RAB12: variants seen among roughly 807,000 people sequenced by gnomAD.
RAB12 encodes RAB12, member RAS oncogene family, also known as ras-related protein Rab-12.
RAB12 carries 11 observed loss-of-function variants against 28.4 expected under a neutral mutation model. The ratio of observed to expected loss-of-function variants is 0.39; its 90% confidence interval spans 0.24 to 0.64. RAB12 has a LOEUF of 0.64. Ranked by LOEUF, RAB12 falls within the 30% of genes least tolerant of loss-of-function variation. RAB12 has a pLI of 0.50. For synonymous variants in RAB12, 138 were observed against 145.3 expected (o/e 0.95, Z 0.36); for missense variants, 276 against 351.1 (o/e 0.79, Z 1.71).
At chr18:8,634,849 T>C (rs1466196419) in intron 3 of RAB12, among the ~76,000 whole-genome samples, 1 of 152,234 alleles carries the variant, frequency 6.6e-6, no homozygotes, top group Non-Finnish European at 1.5e-5. Context: ...GAACGACAAG[T>C]TAGTTGCTCA....
At chr18:8,628,048 T>C (rs910145825) in intron 2 of RAB12, among the ~76,000 whole-genome samples, 3 of 152,162 alleles carry the variant, frequency 2.0e-5, no homozygotes, top group African/African-American at 7.2e-5. Flanking sequence ...TAAGGTGGCA[T>C]GCTAACTGTA....
At chr18:8,610,203 G>T (rs968258982) in intron 1 of RAB12, 1 of 389,462 alleles carries the variant, frequency 2.6e-6, no homozygotes, top group Non-Finnish European at 4.7e-6. Context: ...GCAGCCCCCG[G>T]GGCCTGTGGG....
At chr18:8,612,113 A>G (rs1009263073) in intron 1 of RAB12, among the ~76,000 whole-genome samples, 3 of 152,206 alleles carry the variant, frequency 2.0e-5, no homozygotes, top group African/African-American at 7.2e-5. Context: ...ATTCAGTGGT[A>G]AACAGGACAT....
chr18:8,636,126 G>A, intron 4 of RAB12, 127 bp from the exon 5 acceptor site: 1 of 668,954 alleles, frequency 1.5e-6, no homozygotes. Context: ...CTTTATCTTT[G>A]AGCGTCAGTG....
intron 1 of RAB12, among the ~76,000 whole-genome samples, chr18:8,621,608 G>A (rs1237740297): frequency 6.6e-6 from 1 of 151,794 alleles, no homozygotes; most frequent in African/African-American, 2.4e-5. Context: ...TTTTTCTTTT[G>A]TTTTTTTCCT....
At chr18:8,625,365 C>T (rs2096012082) in intron 2 of RAB12, among the ~76,000 whole-genome samples, 1 of 152,048 alleles carries the variant, frequency 6.6e-6, no homozygotes, top group Admixed American at 6.6e-5. Context: ...CAAAGAAAGC[C>T]CAATATGTTC....
At chr18:8,637,839 A>G (rs2096019788) in intron 5 of RAB12, among the ~76,000 whole-genome samples, 1 of 152,246 alleles carries the variant, frequency 6.6e-6, no homozygotes, top group South Asian at 2.1e-4. Context: ...TAAGAAAATC[A>G]TAAGGAAGAG....
chr18:8,619,762 C>T (rs1271064793), intron 1 of RAB12, among the ~76,000 whole-genome samples: 1 of 152,286 alleles, frequency 6.6e-6, no homozygotes, highest in East Asian at 1.9e-4. Flanking sequence ...TTCCCCGTCA[C>T]TGGGCTGCTG....
intron 2 of RAB12, 97 bp downstream of exon 2, chr18:8,625,095 C>T (rs757037907): frequency 2.7e-5 from 19 of 708,526 alleles, no homozygotes; most frequent in Non-Finnish European, 4.5e-5. Flanking sequence ...ATTTGCCTCT[C>T]CTACTTTCTC....
Position 8,623,729 on chromosome 18 carries a change from C to G in RAB12, c.515-1209C>G, listed in dbSNP as rs114900956. Reference sequence around the variant, plus strand: ...GAATTAAGTAGCTTTCCTTCAGGGACATCTGAAATTATGTGTTATGTGAGA... The same window carrying G: ...GAATTAAGTAGCTTTCCTTCAGGGAGATCTGAAATTATGTGTTATGTGAGA... On this transcript the variant is annotated intron_variant, in intron 1 of 5. Coordinates refer to ENST00000649141, the MANE Select transcript of RAB12 (RefSeq NM_001025300.3). Among the ~76,000 whole-genome samples, 584 of 152,328 alleles carry G rather than the reference C, an allele frequency of 3.8e-3. 2 individuals carry two copies. The highest frequency in any genetic ancestry group is 0.014 in the African/African-American group (562 of 41,576).
At chr18:8,611,983 A>G (rs1327314809) in intron 1 of RAB12, among the ~76,000 whole-genome samples, 1 of 152,206 alleles carries the variant, frequency 6.6e-6, no homozygotes, top group African/African-American at 2.4e-5. Context: ...GCGGGAAGAC[A>G]CTGTGAGAAC....
At chr18:8,619,101 A>G (rs1227482621) in intron 1 of RAB12, among the ~76,000 whole-genome samples, 2 of 152,234 alleles carry the variant, frequency 1.3e-5, no homozygotes, top group African/African-American at 4.8e-5. Context: ...ATAAATTGGC[A>G]GTGACAACTA....
intron 1 of RAB12, among the ~76,000 whole-genome samples, chr18:8,616,555 A>G (rs1012508095): frequency 2.0e-5 from 3 of 152,076 alleles, no homozygotes; most frequent in African/African-American, 7.2e-5. Context: ...CACTTGGGCG[A>G]AGGAATAGGC....
rs752213346 is a variant in RAB12 at position 8,627,573 on chromosome 18, TTATG to T, written c.575+2578_575+2581del. Among the ~76,000 whole-genome samples the T allele has an allele frequency of 5.3e-5, 8 of 152,362 alleles. No individual in the cohort carries two copies. The South Asian group carries it at 8.3e-4, about 16-fold the overall frequency. On this transcript the variant is annotated intron_variant, in intron 2 of 5. Transcript: ENST00000649141. ...GTATTTCTACATGAATGTTAGAACT[TTATG>T]TAAGTAGCTAAAATAAAACATGTTG...
intron 2 of RAB12, among the ~76,000 whole-genome samples, chr18:8,632,382 A>G (rs1306098453): frequency 6.6e-6 from 1 of 151,936 alleles, no homozygotes. Flanking sequence ...GTGGCTGTGC[A>G]CGGATGTCAG....
In RAB12 at chr18:8,638,214, G is replaced by A. The variant is rs762356282; in HGVS notation, c.975G>A (p.Glu325=). The A allele has an allele frequency of 2.5e-6, 4 of 1,613,930 alleles. No homozygotes were observed. The South Asian group carries it at 4.4e-5, about 18-fold the overall frequency. ...NSILSLQPEP[E]IPPELPPPRP... ...TCCTGTCGTTACAACCAGAGCCTGA[G>A]ATACCGCCAGAACTGCCTCCACCAA... Residue 325 remains glutamate, a synonymous_variant, in exon 6 of 6, where the codon GAG becomes GAA. Coordinates refer to ENST00000649141, the MANE Select transcript of RAB12 (RefSeq NM_001025300.3).
At chr18:8,618,634 C>T (rs1414334303) in intron 1 of RAB12, among the ~76,000 whole-genome samples, 4 of 152,056 alleles carry the variant, frequency 2.6e-5, no homozygotes, top group Non-Finnish European at 4.4e-5. Flanking sequence ...CTCAGCCTCC[C>T]GAGCAGCTGG....
chr18:8,617,196 A>T (rs1006759013), intron 1 of RAB12, among the ~76,000 whole-genome samples: 2 of 152,244 alleles, frequency 1.3e-5, no homozygotes, highest in African/African-American at 4.8e-5. Flanking sequence ...CATAGAAAAG[A>T]CAATTTTTAA....
chr18:8,634,852 G>C (rs571412229), intron 3 of RAB12, among the ~76,000 whole-genome samples: 9 of 152,188 alleles, frequency 5.9e-5, no homozygotes, highest in Non-Finnish European at 1.2e-4. Context: ...CGACAAGTTA[G>C]TTGCTCAAGA....
Sources: allele counts gnomAD v4.1 joint callset (sites outside exome capture counted in the v4.1 genomes callset), GRCh38; gene constraint gnomAD v4.1.1; transcripts MANE v1.5; gene names NCBI Gene and HGNC (gene_info 2026-07-23, HGNC 2026-07-21).